DCAF5: variants seen among roughly 807,000 people sequenced by gnomAD.
DCAF5 encodes DDB1- and CUL4-associated factor 5.
In DCAF5, 9 loss-of-function variants were observed where a neutral mutation model predicts 80.7. The ratio of observed to expected loss-of-function variants is 0.11; its 90% confidence interval spans 0.07 to 0.19. The LOEUF (loss-of-function observed/expected upper bound fraction) is 0.19. DCAF5 is among the 10% of genes least tolerant of loss of function. The pLI, the probability that DCAF5 is intolerant of heterozygous loss-of-function variation, is 1.00. For synonymous variants in DCAF5, 433 were observed against 461.9 expected, an observed-to-expected ratio of 0.94 and a Z score of 0.80; for missense variants, 842 against 1,205.7, an observed-to-expected ratio of 0.70 and a Z score of 4.47.
chr14:69,149,982 G>T (rs1188522321), intron 1 of DCAF5, among the ~76,000 whole-genome samples: 1 of 152,204 alleles, frequency 6.6e-6, no homozygotes, highest in Non-Finnish European at 1.5e-5. Context: ...AACAAGTTAA[G>T]GTTAATTAGG....
intron 8 of DCAF5, among the ~76,000 whole-genome samples, chr14:69,056,304 T>A (rs972519607): frequency 3.3e-5 from 5 of 152,140 alleles, no homozygotes; most frequent in Non-Finnish European, 7.3e-5. Flanking sequence ...GTCTGTTAGC[T>A]ATAGGAGTAG....
intron 6 of DCAF5, among the ~76,000 whole-genome samples, chr14:69,079,722 T>C (rs142371006): frequency 7.6e-4 from 115 of 152,264 alleles, no homozygotes; most frequent in Admixed American, 1.7e-3. Flanking sequence ...GAAGGCAGAG[T>C]TGATCAAAAG....
chr14:69,107,319 G>A lies in DCAF5; in HGVS notation c.665+9047C>T, dbSNP rs116490758. ...AAAGACCCTGGGTCTGAGTGAACTT[G>A]AGCAAATTCAACATGGACCTCTCTG... is the stretch of plus-strand genomic sequence containing the variant. On this transcript the variant is annotated intron_variant, in intron 5 of 8. Transcript: ENST00000341516. Among the ~76,000 whole-genome samples, 1,397 of 152,226 alleles carry A rather than the reference G, an allele frequency of 9.2e-3. 25 individuals carry two copies. Among genetic ancestry groups the A allele is most frequent in the African/African-American group, 0.032 (1,333 of 41,524 alleles).
rs960974142 is a variant in DCAF5, at chr14:69,051,963, A to T, written c.*1894T>A. 1.3e-5 allele frequency: 2 copies of T among 152,630 alleles called. No homozygotes were observed. The highest frequency in any genetic ancestry group is 2.4e-5 in the African/African-American group (1 of 41,446). 9.5% of individuals were successfully genotyped at this position (152,630 alleles called of 1,614,324 possible). A position where few individuals can be genotyped will look rare whatever the true frequency, so the allele number is the denominator to read the frequency against. On this transcript the variant is annotated 3_prime_UTR_variant, in exon 9 of 9. Transcript: ENST00000341516. The stretch of plus-strand genomic sequence containing the variant: ...AACCAGCATTTACAATTATCTGTGA[A>T]TAGTCAAAGACAAATCATAGAACCA...
intron 5 of DCAF5, 138 bp downstream of exon 5, chr14:69,116,228 G>A: frequency 9.7e-7 from 1 of 1,031,928 alleles, no homozygotes; most frequent in African/African-American, 1.6e-5. Flanking sequence ...CTCCTGGCTT[G>A]AGAGACACTA....
At chr14:69,078,227 C>A (rs993698796) in intron 6 of DCAF5, among the ~76,000 whole-genome samples, 2 of 152,152 alleles carry the variant, frequency 1.3e-5, no homozygotes, top group Non-Finnish European at 2.9e-5. Context: ...CTTGAACAGA[C>A]ATTTCTCCAA....
Position 69,053,589 on chromosome 14 carries a change from C to T in DCAF5, c.*268G>A, listed in dbSNP as rs115710942. On this transcript the variant is annotated 3_prime_UTR_variant, in exon 9 of 9. Coordinates refer to ENST00000341516, the MANE Select transcript of DCAF5 (RefSeq NM_003861.3). Reference sequence around the variant, plus strand: ...AGATTTACTTCCACAGAGCCTTGCGCGGCACACTACGCTCACGTCTCACTA... The same window carrying T: ...AGATTTACTTCCACAGAGCCTTGCGTGGCACACTACGCTCACGTCTCACTA... 7.2e-4 allele frequency: 298 copies of T among 413,910 alleles called. 1 individual carries two copies. Among genetic ancestry groups the T allele is most frequent in the African/African-American group, 5.6e-3 (268 of 47,930 alleles). 25.6% of individuals were successfully genotyped at this position (413,910 alleles called of 1,614,324 possible). A position where few individuals can be genotyped will look rare whatever the true frequency, so the allele number is the denominator to read the frequency against.
Position 69,109,215 on chromosome 14 carries a change from G to C in DCAF5, c.665+7151C>G, listed in dbSNP as rs996613608. Among the ~76,000 whole-genome samples, 16 of 151,926 alleles carry C rather than the reference G, an allele frequency of 1.1e-4. No individual in the cohort carries two copies. In the East Asian group the frequency reaches 2.7e-3, roughly 26 times the overall value. On this transcript the variant is annotated intron_variant, in intron 5 of 8. Coordinates refer to ENST00000341516, the MANE Select transcript of DCAF5 (RefSeq NM_003861.3). ...AGAAATTAGCCGGGCGTGGTGGCGGGCGCCTGTAGTCCCAACTACTCAGAA... is the reference window on the plus strand; with the variant it reads ...AGAAATTAGCCGGGCGTGGTGGCGGCCGCCTGTAGTCCCAACTACTCAGAA...
intron 7 of DCAF5, among the ~76,000 whole-genome samples, chr14:69,068,687 A>G (rs2038563235): frequency 6.7e-6 from 1 of 149,338 alleles, no homozygotes; most frequent in Non-Finnish European, 1.5e-5. Flanking sequence ...AATAAGAATG[A>G]AACTCCATCT....
At chr14:69,126,801 T>G (rs1030900225) in intron 1 of DCAF5, among the ~76,000 whole-genome samples, 17 of 152,016 alleles carry the variant, frequency 1.1e-4, no homozygotes, top group Non-Finnish European at 2.4e-4. Flanking sequence ...GACAAAACAA[T>G]GGAGCAAAAA....
chr14:69,054,165 G>T lies in DCAF5; in HGVS notation c.2521C>A (p.Pro841Thr), dbSNP rs1473327654. 1 of 1,614,274 alleles carries T rather than the reference G, an allele frequency of 6.2e-7. No individual in the cohort carries two copies. Among genetic ancestry groups the T allele is most frequent in the Non-Finnish European group, 8.5e-7 (1 of 1,180,050 alleles). Residue 841 changes from proline (P) to threonine (T), a missense_variant, in exon 9 of 9, where the codon CCC becomes ACC. Pro to Thr is a conservative substitution (Grantham distance 38). Around this residue, in one of 5 missense-constraint regions of DCAF5, gnomAD observed 607 missense variants for 656.6 expected, o/e 0.92. Transcript: ENST00000341516. The part of the protein sequence containing the change: ...NHNNGRLHPR[P>T]PHPHNNGQNL... ...TGCCCGTTATTGTGAGGGTGAGGGG[G>T]ACGAGGGTGTAAGCGTCCATTGTTG...
chr14:69,147,859 A>G (rs2041585203), intron 1 of DCAF5, among the ~76,000 whole-genome samples: 1 of 152,194 alleles, frequency 6.6e-6, no homozygotes, highest in South Asian at 2.1e-4. Flanking sequence ...TCAAAACTTC[A>G]TACTTATGGG....
chr14:69,126,143 TAGAC>T (rs955677440), intron 1 of DCAF5, among the ~76,000 whole-genome samples: 1 of 149,764 alleles, frequency 6.7e-6, no homozygotes, highest in Non-Finnish European at 1.5e-5. Flanking sequence ...ACTAAATAAA[TAGAC>T]AGAGATTCTT....
intron 8 of DCAF5, among the ~76,000 whole-genome samples, chr14:69,056,091 C>T (rs998462298): frequency 3.3e-5 from 5 of 152,188 alleles, no homozygotes; most frequent in African/African-American, 4.8e-5. Context: ...ACTCAGCCCT[C>T]CATGGTAGTT....
chr14:69,084,617 C>T (rs1594967101), intron 6 of DCAF5: 1 of 898,052 alleles, frequency 1.1e-6, no homozygotes, highest in Non-Finnish European at 1.8e-6. Flanking sequence ...AAAGAGATTC[C>T]TTCTACTCTT....
In DCAF5 at chr14:69,124,618, T is replaced by C. The variant is rs1382048281; in HGVS notation, c.215-2258A>G. On this transcript the variant is annotated intron_variant, in intron 1 of 8. Transcript: ENST00000341516. Reference sequence around the variant, plus strand: ...TATTTCAACTATGAGTTCTCTGGCCTAGGATAGTATCTAAATTATGTATTT... The same window carrying C: ...TATTTCAACTATGAGTTCTCTGGCCCAGGATAGTATCTAAATTATGTATTT... Among the ~76,000 whole-genome samples, 3 of 152,228 alleles carry C rather than the reference T, an allele frequency of 2.0e-5. No individual in the cohort carries two copies. The East Asian group carries it at 5.8e-4, about 29-fold the overall frequency.
At chr14:69,106,571 T>G (rs1326536290) in intron 5 of DCAF5, among the ~76,000 whole-genome samples, 1 of 151,968 alleles carries the variant, frequency 6.6e-6, no homozygotes, top group Non-Finnish European at 1.5e-5. Flanking sequence ...AGATAGGGTG[T>G]ATGTTGCCCA....
At chr14:69,059,904 G>A (rs1321371800) in intron 8 of DCAF5, among the ~76,000 whole-genome samples, 1 of 152,174 alleles carries the variant, frequency 6.6e-6, no homozygotes, top group Non-Finnish European at 1.5e-5. Flanking sequence ...TAACCTCACA[G>A]ATAAAACACT....
Position 69,152,538 on chromosome 14 carries a change from G to A in DCAF5, c.214+227C>T. 1.8e-6 allele frequency: 1 copy of A among 565,086 alleles called. No homozygotes were observed. Among genetic ancestry groups the A allele is most frequent in the East Asian group, 3.0e-5 (1 of 33,368 alleles). 35.0% of individuals were successfully genotyped at this position (565,086 alleles called of 1,614,324 possible). ...GATCACTTTGCACTTGGGATAAAGC[G>A]AATTAAGGAGCTGTCAACCATTTTA... On this transcript the variant is annotated intron_variant, in intron 1 of 8. Transcript: ENST00000341516. This position sits in a 1 kb window ranked among gnomAD's most constrained non-coding sequence, Gnocchi z 4.1.
Sources: gnomAD v4.1 joint callset for allele counts (sites outside exome capture counted in the v4.1 genomes callset) on GRCh38, gnomAD v4.1.1 for gene constraint, gnomAD v4.1.1 regional missense constraint, Gnocchi (gnomAD v3.1) non-coding constraint, MANE v1.5 for transcripts, NCBI Gene and HGNC (gene_info 2026-07-23, HGNC 2026-07-21) for gene names.